Variants in RB1CC1 observed in about 807,000 individuals in gnomAD.
RB1CC1 encodes RB1-inducible coiled-coil protein 1.
Under a neutral mutation model 177.5 loss-of-function variants are expected in RB1CC1, and 46 were observed. The ratio of observed to expected loss-of-function variants is 0.26; its 90% CI spans 0.20 to 0.33. The LOEUF is 0.33. Ranked by LOEUF, RB1CC1 falls within the 10% of genes least tolerant of loss-of-function variation. The probability of loss-of-function intolerance (pLI) is 1.00; values close to 1 mark genes in which losing one functional copy is unlikely to be tolerated. For synonymous variants in RB1CC1, 666 were observed against 613.6 expected (o/e 1.09, Z -1.26); for missense variants, 1,703 against 1,816.3 (o/e 0.94, Z 1.13).
rs1447434311 is a variant in RB1CC1, at chr8:52,714,222, C to G, written c.-314G>C. On this transcript the variant is annotated 5_prime_UTR_variant, in exon 1 of 24. Transcript: ENST00000025008. ...CACAACCGCCGGCGTCCCGGGCGCC[C>G]GCCCGCCGCGGCCCCGAACTCTAGG... 4.5e-6 allele frequency: 1 copy of G among 221,508 alleles called. No individual in the cohort carries two copies. Among genetic ancestry groups the G allele is most frequent in the Non-Finnish European group, 9.4e-6 (1 of 105,832 alleles). 13.7% of individuals were successfully genotyped at this position (221,508 alleles called of 1,614,324 possible).
At position 52,714,086 on chromosome 8, in the gene RB1CC1, T is replaced by G. The variant is rs769893214; in HGVS notation, c.-178A>C. ...GCGGCGACACTTACCCGGCAACGCC[T>G]CCTCCTTCGCCGGCGGCAGCAGCAG... On this transcript the variant is annotated 5_prime_UTR_variant, in exon 1 of 24. Transcript: ENST00000025008. 2.8e-6 allele frequency: 1 copy of G among 351,148 alleles called. No homozygotes were observed. Among genetic ancestry groups the G allele is most frequent in the African/African-American group, 2.3e-5 (1 of 44,402 alleles). The allele number at this position is 351,148 out of a possible 1,614,324, so 21.8% of individuals were successfully genotyped here.
chr8:52,643,080 A>T (rs1849714821), intron 16 of RB1CC1: 1 of 257,814 alleles, frequency 3.9e-6, no homozygotes, highest in Non-Finnish European at 7.1e-6. Context: ...ATTTTGAAGA[A>T]TTAGAAGCAT....
chr8:52,636,377 T>C (rs1171396220), intron 18 of RB1CC1, among the ~76,000 whole-genome samples: 1 of 152,170 alleles, frequency 6.6e-6, no homozygotes, highest in Admixed American at 6.5e-5. Context: ...AGTGAATCCA[T>C]GATAAAGTCG....
intron 20 of RB1CC1, among the ~76,000 whole-genome samples, chr8:52,633,956 A>G (rs764003210): frequency 6.6e-6 from 1 of 151,392 alleles, no homozygotes; most frequent in African/African-American, 2.5e-5. Context: ...TAAAACCAAA[A>G]CAAAACAAAA....
At chr8:52,629,508 C>T (rs1848614969) in intron 21 of RB1CC1, among the ~76,000 whole-genome samples, 2 of 152,164 alleles carry the variant, frequency 1.3e-5, no homozygotes, top group Non-Finnish European at 2.9e-5. Flanking sequence ...GGCCAGTGCC[C>T]TATAAATTTA....
chr8:52,636,862 C>T (rs1455501106), intron 18 of RB1CC1, among the ~76,000 whole-genome samples: 1 of 152,164 alleles, frequency 6.6e-6, no homozygotes, highest in Non-Finnish European at 1.5e-5. Context: ...TTCACGGAAC[C>T]GTCTCAGCAC....
At position 52,658,872 on chromosome 8, in the gene RB1CC1, C is replaced by A; in HGVS notation, c.1793+1G>T. The A allele has an allele frequency of 6.4e-7, 1 of 1,550,952 alleles. No individual in the cohort carries two copies. Among genetic ancestry groups the A allele is most frequent in the Non-Finnish European group, 8.8e-7 (1 of 1,141,796 alleles). On this transcript the variant is annotated splice_donor_variant, in intron 13 of 23. Transcript: ENST00000025008. LOFTEE classifies it high-confidence loss of function. ...TAACTGAAAATACTAATGACATTTA[C>A]CTGAGGAATGGCTGAACTTCCGAAG... is the stretch of plus-strand genomic sequence containing the variant.
In RB1CC1 at chr8:52,672,665, G is replaced by A. The variant is rs527862073; in HGVS notation, c.1002+1180C>T. On this transcript the variant is annotated intron_variant, in intron 7 of 23. Coordinates refer to ENST00000025008, the MANE Select transcript of RB1CC1 (RefSeq NM_014781.5). ...GGAGGCTGAGGTGGGAGGGTTGCCTGAGCCTGGGAGGTGGAGAACCAATGA... is the reference window on the plus strand; with the variant it reads ...GGAGGCTGAGGTGGGAGGGTTGCCTAAGCCTGGGAGGTGGAGAACCAATGA... Among the ~76,000 whole-genome samples the A allele has an allele frequency of 1.0e-3, 156 of 152,284 alleles. 1 individual carries two copies. The highest frequency in any genetic ancestry group is 3.7e-3 in the African/African-American group (152 of 41,554).
chr8:52,674,306 A>G (rs775683149), intron 6 of RB1CC1, 32 bp from the exon 7 acceptor site: 11 of 1,515,266 alleles, frequency 7.3e-6, no homozygotes, highest in Admixed American at 5.1e-5. Flanking sequence ...CAGTAAAACT[A>G]TGAGACTGCT....
intron 5 of RB1CC1, among the ~76,000 whole-genome samples, chr8:52,676,938 A>G (rs934029746): frequency 2.0e-5 from 3 of 152,238 alleles, no homozygotes; most frequent in African/African-American, 7.2e-5. Flanking sequence ...TGGTGAAGGC[A>G]AAGCTAAAAT....
At chr8:52,672,341 A>C (rs942014845) in intron 7 of RB1CC1, among the ~76,000 whole-genome samples, 1 of 152,162 alleles carries the variant, frequency 6.6e-6, no homozygotes, top group East Asian at 1.9e-4. Flanking sequence ...AATTGAAAAA[A>C]ACCTAAGACT....
At chr8:52,658,214 CAAG>C (rs1851255038) in intron 13 of RB1CC1, 90 bp from the exon 14 acceptor site, 2 of 1,308,664 alleles carry the variant, frequency 1.5e-6, no homozygotes, top group Admixed American at 2.4e-5. Flanking sequence ...TCAAAAATAA[CAAG>C]AGCCTTATCA....
intron 1 of RB1CC1, among the ~76,000 whole-genome samples, chr8:52,704,742 T>C (rs1484027044): frequency 6.6e-6 from 1 of 152,162 alleles, no homozygotes; most frequent in Non-Finnish European, 1.5e-5. Flanking sequence ...CATGTAATTG[T>C]TAAGTAAGGT....
At chr8:52,689,318 T>C (rs537517909) in intron 1 of RB1CC1, among the ~76,000 whole-genome samples, 1 of 152,310 alleles carries the variant, frequency 6.6e-6, no homozygotes, top group East Asian at 1.9e-4. Flanking sequence ...GTCCTGTAAA[T>C]TCTAACATTT....
At chr8:52,674,365 A>G in intron 6 of RB1CC1, 91 bp from the exon 7 acceptor site, 1 of 1,102,004 alleles carries the variant, frequency 9.1e-7, no homozygotes, top group Non-Finnish European at 1.3e-6. Context: ...TATTATACAC[A>G]CAAATCTCAC....
rs1848520413 is a variant in RB1CC1, at chr8:52,628,065, G to A, written c.4603C>T (p.Leu1535=). The A allele has an allele frequency of 6.2e-7, 1 of 1,605,778 alleles. No homozygotes were observed. The highest frequency in any genetic ancestry group is 1.7e-5 in the Admixed American group (1 of 58,838). The change falls in exon 22 of 24, where the codon CTA becomes TTA. Residue 1535 remains leucine, a synonymous_variant. Transcript: ENST00000025008. ...PTLYFLHSES[L]PALDLKPGEG... The stretch of plus-strand genomic sequence containing the variant: ...CCTGGTTTGAGATCCAGGGCAGGTA[G>A]AGACTCTGAATGTAGAAAATATAAA...
In RB1CC1 at chr8:52,702,379, A is replaced by C. The variant is rs140745765; in HGVS notation, c.-167+11696T>G. On this transcript the variant is annotated intron_variant, in intron 1 of 23. Transcript: ENST00000025008. ...AAATTCTACTGAATGAATCTTCTCC[A>C]GAAGATCCATGAGCTGCATGGCTTT... 7.6e-3 allele frequency among the ~76,000 whole-genome samples: 1,163 copies of C among 152,322 alleles called. 11 individuals carry two copies. The highest frequency in any genetic ancestry group is 0.027 in the African/African-American group (1,104 of 41,570).
chr8:52,647,487 C>T (rs767678650), intron 15 of RB1CC1, among the ~76,000 whole-genome samples: 24 of 152,232 alleles, frequency 1.6e-4, no homozygotes, highest in Non-Finnish European at 1.0e-4. Context: ...GGAAAACTGA[C>T]ATACTACATA....
At chr8:52,683,471 A>G (rs1043394483) in intron 5 of RB1CC1, 78 bp downstream of exon 5, 1 of 1,253,390 alleles carries the variant, frequency 8.0e-7, no homozygotes, top group Non-Finnish European at 1.1e-6. Context: ...CATACTTCCT[A>G]TGCAATTTAG....
Sources: allele counts gnomAD v4.1 joint callset (sites outside exome capture counted in the v4.1 genomes callset), GRCh38; gene constraint gnomAD v4.1.1; transcripts MANE v1.5; gene names NCBI Gene and HGNC (gene_info 2026-07-23, HGNC 2026-07-21).